SMC2: variants seen among roughly 807,000 people sequenced by gnomAD.
SMC2 encodes structural maintenance of chromosomes 2.
Under a neutral mutation model 142.6 loss-of-function variants are expected in SMC2, and 41 were observed. The ratio of observed to expected loss-of-function variants is 0.29; its 90% CI spans 0.22 to 0.37. The LOEUF (loss-of-function observed/expected upper bound fraction) is 0.37, where lower values mean the gene tolerates loss of function less well. Ranked by LOEUF, SMC2 falls within the 10% of genes least tolerant of loss-of-function variation. The pLI is 1.00. For missense variants in SMC2, 1,265 were observed against 1,373.7 expected, an observed-to-expected ratio of 0.92 and a Z score of 1.25; for synonymous variants, 463 against 457.5, an observed-to-expected ratio of 1.01 and a Z score of -0.15.
At chr9:104,108,314 G>A (rs1463475593) in intron 9 of SMC2, among the ~76,000 whole-genome samples, 1 of 152,036 alleles carries the variant, frequency 6.6e-6, no homozygotes, top group African/African-American at 2.4e-5. Context: ...CGGAGACCTC[G>A]GTCCCACTCT....
chr9:104,126,882 C>G, intron 19 of SMC2, 98 bp downstream of exon 19: 1 of 1,196,934 alleles, frequency 8.4e-7, no homozygotes, highest in Non-Finnish European at 1.2e-6. Flanking sequence ...AGTCTTTTCA[C>G]TCGTCATCAT....
intron 8 of SMC2, 34 bp from the exon 9 acceptor site, chr9:104,102,390 C>A: frequency 6.4e-7 from 1 of 1,561,878 alleles, no homozygotes; most frequent in Non-Finnish European, 8.6e-7. Flanking sequence ...ACAAATTTTA[C>A]ATAAGTGATT....
chr9:104,126,581 A>C lies in SMC2; in HGVS notation c.2452-60A>C, dbSNP rs111442320. ...TATTATTTATTTAATTGTTCTGTAC[A>C]TATTTGTTTTTCAGTAGTTAATAAC... On this transcript the variant is annotated intron_variant, in intron 18 of 24. Coordinates refer to ENST00000374793, the MANE Select transcript of SMC2 (RefSeq NM_006444.3). The C allele has an allele frequency of 1.6e-3, 2,072 of 1,258,048 alleles. 29 individuals are homozygous for C. The African/African-American group carries it at 0.029, about 18-fold the overall frequency. The allele number at this position is 1,258,048 out of a possible 1,614,324, so 77.9% of individuals were successfully genotyped here. A position where few individuals can be genotyped will look rare whatever the true frequency, so the allele number is the denominator to read the frequency against.
Position 104,098,578 on chromosome 9 carries a change from T to G in SMC2, c.441+10T>G. 2 of 1,583,522 alleles carry G rather than the reference T, an allele frequency of 1.3e-6. No homozygotes were observed. The highest frequency in any genetic ancestry group is 1.7e-6 in the Non-Finnish European group (2 of 1,170,184). On this transcript the variant is annotated intron_variant, in intron 4 of 24. Transcript: ENST00000374793. The stretch of plus-strand genomic sequence containing the variant: ...CTTTCTCATCATGCAGGTATTTCGT[T>G]TGAGGTCTTTATATCACTTTCGTAA...
chr9:104,136,185 G>C, intron 23 of SMC2: 1 of 291,966 alleles, frequency 3.4e-6, no homozygotes, highest in South Asian at 3.4e-5. Context: ...TCTCCTGCAT[G>C]GTATATAATC....
Position 104,126,624 on chromosome 9 carries a change from T to C in SMC2, c.2452-17T>C. On this transcript the variant is annotated splice_polypyrimidine_tract_variant and intron_variant, in intron 18 of 24. Coordinates refer to ENST00000374793, the MANE Select transcript of SMC2 (RefSeq NM_006444.3). The stretch of plus-strand genomic sequence containing the variant: ...TTAATAACCTATATGAATACCTGAA[T>C]ACTGTATTTTTTATAGGAAGTTGAA... The C allele has an allele frequency of 6.3e-7, 1 of 1,593,878 alleles. No homozygotes were observed. The highest frequency in any genetic ancestry group is 8.5e-7 in the Non-Finnish European group (1 of 1,171,648).
intron 16 of SMC2, among the ~76,000 whole-genome samples, chr9:104,121,847 C>T (rs1472461059): frequency 3.3e-5 from 5 of 152,204 alleles, no homozygotes; most frequent in East Asian, 3.9e-4. Flanking sequence ...GTGGCCCGAT[C>T]TCGGCTCACT....
At position 104,111,705 on chromosome 9, in the gene SMC2, C is replaced by G; in HGVS notation, c.1145C>G (p.Ala382Gly). Reference protein sequence around the residue: ...ALAAAQQHFNAVSAGLSSNED... With the variant: ...ALAAAQQHFNGVSAGLSSNED... Reference sequence around the variant, plus strand: ...GCAGCTGCACAGCAGCACTTCAATGCTGTTTCCGCTGGCCTGTCCAGTAAT... The same window carrying G: ...GCAGCTGCACAGCAGCACTTCAATGGTGTTTCCGCTGGCCTGTCCAGTAAT... Residue 382 changes from alanine (A) to glycine (G), a missense_variant, in exon 10 of 25, where the codon GCT becomes GGT. Physicochemically the swap from Ala to Gly is moderately conservative, Grantham distance 60. Coordinates refer to ENST00000374793, the MANE Select transcript of SMC2 (RefSeq NM_006444.3). The G allele has an allele frequency of 6.2e-7, 1 of 1,614,088 alleles. No homozygotes were observed. Among genetic ancestry groups the G allele is most frequent in the Non-Finnish European group, 8.5e-7 (1 of 1,179,942 alleles).
intron 9 of SMC2, among the ~76,000 whole-genome samples, 200 bp downstream of exon 9, chr9:104,102,773 A>G (rs954544902): frequency 3.3e-5 from 5 of 152,126 alleles, no homozygotes; most frequent in African/African-American, 1.2e-4. Context: ...AAATGATAAT[A>G]AAGAAAATAA....
chr9:104,106,053 A>G (rs1033123681), intron 9 of SMC2, among the ~76,000 whole-genome samples: 6 of 152,146 alleles, frequency 3.9e-5, no homozygotes, highest in Non-Finnish European at 8.8e-5. Context: ...TTAGGTCCAT[A>G]ATGCCCTAGT....
chr9:104,090,810 T>A (rs1829973604), upstream of SMC2, among the ~76,000 whole-genome samples: 1 of 149,990 alleles, frequency 6.7e-6, no homozygotes, highest in Non-Finnish European at 1.5e-5. Flanking sequence ...TAAACAAGAG[T>A]TAGGAACTGA....
At chr9:104,089,027 G>A in the SMC2 span, among the ~76,000 whole-genome samples, 5 of 151,906 alleles carry the variant, frequency 3.3e-5, no homozygotes, top group Admixed American at 3.3e-4. Context: ...AGTAGCAGAT[G>A]AATCTGAGAA....
At chr9:104,125,383 C>T (rs1266690062) in intron 18 of SMC2, among the ~76,000 whole-genome samples, 2 of 152,056 alleles carry the variant, frequency 1.3e-5, no homozygotes, top group African/African-American at 2.4e-5. Context: ...CTCAGTTACT[C>T]TGTATAATGC....
chr9:104,126,985 C>CGA (rs1564108515), intron 19 of SMC2, among the ~76,000 whole-genome samples: 25 of 152,256 alleles, frequency 1.6e-4, no homozygotes, highest in African/African-American at 5.5e-4. Context: ...CCTCTTCTTC[C>CGA]TCACTTAGTT....
At chr9:104,094,104 G>A (rs1830179710), upstream of SMC2, among the ~76,000 whole-genome samples, 1 of 152,164 alleles carries the variant, frequency 6.6e-6, no homozygotes, top group Non-Finnish European at 1.5e-5. Context: ...ACGCCGGTGT[G>A]AACATACACT....
Position 104,134,591 on chromosome 9 carries a change from G to A in SMC2, c.3269+16G>A, listed in dbSNP as rs763301377. 103 of 1,425,580 alleles carry A rather than the reference G, an allele frequency of 7.2e-5. No homozygotes were observed. Among genetic ancestry groups the A allele is most frequent in the Non-Finnish European group, 9.4e-5 (101 of 1,079,598 alleles). The allele number at this position is 1,425,580 out of a possible 1,614,324, so 88.3% of individuals were successfully genotyped here. The stretch of plus-strand genomic sequence containing the variant: ...GTGGTCAGAGGTGAGGAATCACTTT[G>A]CTATATTATAATTTTCATTCCTCTT... On this transcript the variant is annotated intron_variant, in intron 23 of 24. Transcript: ENST00000374793.
intron 14 of SMC2, 98 bp from the exon 15 acceptor site, chr9:104,118,073 T>A (rs1366115644): frequency 1.2e-6 from 1 of 861,914 alleles, no homozygotes. Context: ...TAAGTATTAT[T>A]TAAGTTTCTA....
chr9:104,114,127 A>G (rs924296444), intron 12 of SMC2, 46 bp downstream of exon 12: 5 of 1,167,678 alleles, frequency 4.3e-6, no homozygotes, highest in Non-Finnish European at 6.1e-6. Flanking sequence ...TAATCAAGAC[A>G]TTTTTATTTA....
At chr9:104,130,879 G>A (rs1222732817) in intron 21 of SMC2, among the ~76,000 whole-genome samples, 1 of 151,994 alleles carries the variant, frequency 6.6e-6, no homozygotes, top group Non-Finnish European at 1.5e-5. Context: ...CTCTTTACCA[G>A]AGGAGAAGCC....
Sources: allele counts gnomAD v4.1 joint callset (sites outside exome capture counted in the v4.1 genomes callset), GRCh38; gene constraint gnomAD v4.1.1; transcripts MANE v1.5; gene names NCBI Gene and HGNC (gene_info 2026-07-23, HGNC 2026-07-21).